Variants in LIN9 observed in about 807,000 individuals in gnomAD.
The protein encoded by LIN9 is protein lin-9 homolog.
LIN9 carries 18 observed loss-of-function variants against 78.0 expected under a neutral mutation model. That is an observed-to-expected ratio of 0.23 (90% CI 0.16 to 0.34). The LOEUF (loss-of-function observed/expected upper bound fraction) is 0.34. LIN9 is among the 10% of genes least tolerant of loss of function. LIN9 has a pLI of 1.00. For synonymous variants in LIN9, 192 were observed against 215.2 expected, an observed-to-expected ratio of 0.89 and a Z score of 0.94; for missense variants, 451 against 644.1, an observed-to-expected ratio of 0.70 and a Z score of 3.25.
intron 7 of LIN9, among the ~76,000 whole-genome samples, chr1:226,277,234 A>AC (rs1558186852): frequency 6.6e-6 from 1 of 151,592 alleles, no homozygotes; most frequent in African/African-American, 2.4e-5. Context: ...AAAAAAAAAA[A>AC]AACTTTAAAA....
chr1:226,293,702 C>T (rs754296137), intron 4 of LIN9, among the ~76,000 whole-genome samples: 14 of 152,200 alleles, frequency 9.2e-5, no homozygotes, highest in Non-Finnish European at 1.8e-4. Flanking sequence ...GGATTACAGG[C>T]GTGTGCCACC....
At chr1:226,245,746 T>C (rs1658436370) in intron 11 of LIN9, among the ~76,000 whole-genome samples, 1 of 152,070 alleles carries the variant, frequency 6.6e-6, no homozygotes, top group Non-Finnish European at 1.5e-5. Flanking sequence ...TATAGCTGTG[T>C]GCCACCACGC....
At chr1:226,299,488 A>G (rs1662377082) in intron 2 of LIN9, among the ~76,000 whole-genome samples, 1 of 148,260 alleles carries the variant, frequency 6.7e-6, no homozygotes. Flanking sequence ...CTGGGCGACA[A>G]ACCGAGACTC....
At chr1:226,302,735 C>T (rs569409538) in intron 1 of LIN9, among the ~76,000 whole-genome samples, 4 of 152,226 alleles carry the variant, frequency 2.6e-5, no homozygotes, top group East Asian at 1.9e-4. Flanking sequence ...TCAGAGAGGA[C>T]GGATTAATCC....
Position 226,266,271 on chromosome 1 carries a change from C to G in LIN9, c.878G>C (p.Arg293Pro). The change falls in exon 9 of 15, where the codon CGA becomes CCA. Residue 293 changes from arginine (R) to proline (P), a missense_variant. By Grantham distance (103) the Arg-to-Pro change is moderately radical (BLOSUM62 -2). Coordinates refer to ENST00000681046, the MANE Select transcript of LIN9 (RefSeq NM_001366245.2). ...TAACCGTGGTGGGGTCATAAAAAAT[C>G]GAGAAGGCCGCTGTTTTTGTCCAAA... Reference protein sequence around the residue: ...AAFGQKQRPSRFFMTPPRLHY... With the variant: ...AAFGQKQRPSPFFMTPPRLHY... The G allele has an allele frequency of 1.9e-6, 3 of 1,601,128 alleles. No individual in the cohort carries two copies. Among genetic ancestry groups the G allele is most frequent in the Non-Finnish European group, 2.6e-6 (3 of 1,172,048 alleles).
intron 10 of LIN9, among the ~76,000 whole-genome samples, chr1:226,258,894 C>CAAAAAAAAAAAA (rs770169450): frequency 9.1e-5 from 5 of 54,778 alleles, no homozygotes; most frequent in Non-Finnish European, 1.2e-4. Context: ...TCTGTCTCAA[C>CAAAAAAAAAAAA]AAAAAAAAAA....
chr1:226,282,051 A>G (rs1021553245), intron 6 of LIN9, among the ~76,000 whole-genome samples: 6 of 152,178 alleles, frequency 3.9e-5, no homozygotes, highest in African/African-American at 9.7e-5. Context: ...CAAAAAATGC[A>G]TATGTTCCTC....
intron 1 of LIN9, among the ~76,000 whole-genome samples, chr1:226,305,942 T>C (rs1346159894): frequency 6.6e-6 from 1 of 152,144 alleles, no homozygotes; most frequent in Non-Finnish European, 1.5e-5. Context: ...GTTTGGGCTA[T>C]GCTGATGGTA....
rs559460640 is a variant in LIN9 at position 226,260,628 on chromosome 1, G to GTTTTTTTTTTTTTTTTTTTTTTTT, written c.1038+4881_1038+4904dup. 4.1e-5 allele frequency among the ~76,000 whole-genome samples: 3 copies of GTTTTTTTTTTTTTTTTTTTTTTTT among 73,438 alleles called. 1 individual carries two copies. Among genetic ancestry groups the GTTTTTTTTTTTTTTTTTTTTTTTT allele is most frequent in the African/African-American group, 1.5e-4 (3 of 19,838 alleles). The allele number at this position is 73,438 out of a possible 152,430, so 48.2% of individuals were successfully genotyped here. On this transcript the variant is annotated intron_variant, in intron 10 of 14. Coordinates refer to ENST00000681046, the MANE Select transcript of LIN9 (RefSeq NM_001366245.2). ...AGAATTTAAGATCACGGCCAAATGA[G>GTTTTTTTTTTTTTTTTTTTTTTTT]TTTTTTTTTTTTTTTTTTTTTTTTT...
chr1:226,244,547 C>A lies in LIN9; in HGVS notation c.1120-5451G>T, dbSNP rs943079014. Among the ~76,000 whole-genome samples the A allele has an allele frequency of 2.6e-5, 4 of 152,150 alleles. No homozygotes were observed. The South Asian group carries it at 8.3e-4, about 31-fold the overall frequency. ...ATAACTAATACATTCTGATAAAAAA[C>A]CAGGTATGATCACAAAGTAATGAAA... On this transcript the variant is annotated intron_variant, in intron 11 of 14. Coordinates refer to ENST00000681046, the MANE Select transcript of LIN9 (RefSeq NM_001366245.2).
rs867677703 is a variant in LIN9, at chr1:226,299,529, G to C, written c.64+1644C>G. Among the ~76,000 whole-genome samples the C allele has an allele frequency of 2.6e-5, 4 of 151,198 alleles. No homozygotes were observed. In the South Asian group the frequency reaches 8.4e-4, roughly 32 times the overall value. On this transcript the variant is annotated intron_variant, in intron 2 of 14. Coordinates refer to ENST00000681046, the MANE Select transcript of LIN9 (RefSeq NM_001366245.2). ...CAAAAAAAAAAAAAAAAAAGGCAGG[G>C]GGGAGAGAAATGAGTTTAATATTGG...
rs1415381093 is a variant in LIN9 at position 226,265,867 on chromosome 1, C to T, written c.937-233G>A. On this transcript the variant is annotated intron_variant, in intron 9 of 14. Coordinates refer to ENST00000681046, the MANE Select transcript of LIN9 (RefSeq NM_001366245.2). The surrounding 1 kb of genome is among the most constrained non-coding windows in gnomAD (Gnocchi z 4.1). ...CTAATTTTTGTATTTTTAGCAGAGA[C>T]GGCGTTTCACCATGTTGATCAGGTT... Among the ~76,000 whole-genome samples the T allele has an allele frequency of 6.6e-5, 10 of 151,842 alleles. No homozygotes were observed. Among genetic ancestry groups the T allele is most frequent in the South Asian group, 2.1e-4 (1 of 4,804 alleles).
chr1:226,278,836 G>A (rs1359428499), intron 6 of LIN9, among the ~76,000 whole-genome samples: 11 of 111,772 alleles, frequency 9.8e-5, no homozygotes, highest in Middle Eastern at 8.8e-3. Flanking sequence ...AAAAAAAAAA[G>A]AAAGGCCGGG....
At position 226,232,084 on chromosome 1, in the gene LIN9, G is replaced by T; in HGVS notation, c.*417C>A. The T allele has an allele frequency of 2.5e-6, 1 of 398,478 alleles. No individual in the cohort carries two copies. The allele number at this position is 398,478 out of a possible 1,614,324, so 24.7% of individuals were successfully genotyped here. On this transcript the variant is annotated 3_prime_UTR_variant, in exon 15 of 15. Transcript: ENST00000681046. The stretch of plus-strand genomic sequence containing the variant: ...AATCAAGTGGAGTTGTAATTTTCTG[G>T]ATGGAATTTCCACACTGCCACCGAC...
chr1:226,231,837 C>T lies in LIN9; in HGVS notation c.*664G>A, dbSNP rs1302512345. 2 of 245,454 alleles carry T rather than the reference C, an allele frequency of 8.1e-6. No individual in the cohort carries two copies. The highest frequency in any genetic ancestry group is 4.5e-5 in the African/African-American group (2 of 44,322). 15.2% of individuals were successfully genotyped at this position (245,454 alleles called of 1,614,324 possible). A position where few individuals can be genotyped will look rare whatever the true frequency, so the allele number is the denominator to read the frequency against. On this transcript the variant is annotated 3_prime_UTR_variant, in exon 15 of 15. Coordinates refer to ENST00000681046, the MANE Select transcript of LIN9 (RefSeq NM_001366245.2). Reference sequence around the variant, plus strand: ...TGCACCTTTTTTCCCCCTGTTCCTTCATTTTCTTTCAACAAACAACAAAGG... The same window carrying T: ...TGCACCTTTTTTCCCCCTGTTCCTTTATTTTCTTTCAACAAACAACAAAGG...
intron 2 of LIN9, among the ~76,000 whole-genome samples, 199 bp downstream of exon 2, chr1:226,300,974 A>G (rs1049446443): frequency 2.0e-5 from 3 of 152,248 alleles, no homozygotes; most frequent in African/African-American, 7.2e-5. Flanking sequence ...ATAATTTTAG[A>G]AATTTTTAAA....
chr1:226,280,473 T>C (rs1416557034), intron 6 of LIN9, among the ~76,000 whole-genome samples: 2 of 152,094 alleles, frequency 1.3e-5, no homozygotes, highest in Non-Finnish European at 1.5e-5. Context: ...GTAAGCTAAG[T>C]AGTACTATAA....
Position 226,307,711 on chromosome 1 carries a change from T to C in LIN9, c.31+1398A>G, listed in dbSNP as rs184593831. Among the ~76,000 whole-genome samples, 74 of 152,332 alleles carry C rather than the reference T, an allele frequency of 4.9e-4. 1 individual carries two copies. Among genetic ancestry groups the C allele is most frequent in the African/African-American group, 1.6e-3 (68 of 41,584 alleles). On this transcript the variant is annotated intron_variant, in intron 1 of 14. Coordinates refer to ENST00000681046, the MANE Select transcript of LIN9 (RefSeq NM_001366245.2). Reference sequence around the variant, plus strand: ...AACAGTACAGCTCATGACTGGTCAATAGCTGTGCCCTACCCAATACAGTGA... The same window carrying C: ...AACAGTACAGCTCATGACTGGTCAACAGCTGTGCCCTACCCAATACAGTGA...
At chr1:226,288,964 C>T (rs7368170) in intron 4 of LIN9, among the ~76,000 whole-genome samples, 61,033 of 151,992 alleles carry the variant, frequency 0.4, 12,478 homozygotes, top group East Asian at 0.47. Flanking sequence ...TTATGCTGGG[C>T]GCAGTGGCTC....
Sources: allele counts gnomAD v4.1 joint callset (sites outside exome capture counted in the v4.1 genomes callset), GRCh38; gene constraint gnomAD v4.1.1; non-coding constraint Gnocchi (gnomAD v3.1); transcripts MANE v1.5; gene names NCBI Gene and HGNC (gene_info 2026-07-23, HGNC 2026-07-21).